Variants in CNTLN observed in about 807,000 individuals in gnomAD.
CNTLN encodes centlein, centrosomal protein.
CNTLN carries 212 observed loss-of-function variants against 180.0 expected under a neutral mutation model. The observed-to-expected ratio is 1.18, with a 90% CI of 1.05 to 1.32. The LOEUF (loss-of-function observed/expected upper bound fraction) is 1.32. Among genes scored for constraint, CNTLN ranks in the 40% most tolerant of loss-of-function variants. The probability of loss-of-function intolerance (pLI) is 0.00; values close to 1 mark genes in which losing one functional copy is unlikely to be tolerated. For synonymous variants in CNTLN, 722 were observed against 563.1 expected (o/e 1.28, Z -3.99); for missense variants, 2,095 against 1,610.9 (o/e 1.30, Z -5.14).
At chr9:17,182,451 A>T (rs1198828463) in intron 2 of CNTLN, among the ~76,000 whole-genome samples, 1 of 152,060 alleles carries the variant, frequency 6.6e-6, no homozygotes, top group African/African-American at 2.4e-5. Flanking sequence ...GAGTTTTCTC[A>T]TGTTTATTTT....
chr9:17,299,801 G>A (rs1176019863), intron 7 of CNTLN: 1 of 984,408 alleles, frequency 1.0e-6, no homozygotes, highest in South Asian at 4.7e-5. Context: ...TTCCCCCATT[G>A]ATGACTTTCT....
intron 25 of CNTLN, among the ~76,000 whole-genome samples, chr9:17,497,859 G>A (rs552512398): frequency 6.6e-6 from 1 of 152,242 alleles, no homozygotes; most frequent in South Asian, 2.1e-4. Context: ...GGATGCTAAC[G>A]ACGCAGATTT....
At chr9:17,439,092 A>G (rs984602748) in intron 18 of CNTLN, among the ~76,000 whole-genome samples, 2 of 152,194 alleles carry the variant, frequency 1.3e-5, no homozygotes, top group African/African-American at 4.8e-5. Context: ...AAATATGCAT[A>G]CATTTTAGAG....
chr9:17,500,496 A>G (rs1172954883), intron 25 of CNTLN, among the ~76,000 whole-genome samples: 3 of 152,232 alleles, frequency 2.0e-5, no homozygotes, highest in Admixed American at 2.0e-4. Context: ...TACAACCAGC[A>G]TGTTCCCCAA....
intron 1 of CNTLN, 71 bp from the exon 2 acceptor site, chr9:17,143,217 A>G (rs1334735573): frequency 9.4e-7 from 1 of 1,060,936 alleles, no homozygotes; most frequent in Non-Finnish European, 1.4e-6. Flanking sequence ...TTCATTTTAA[A>G]ATTTAATGTA....
chr9:17,210,171 G>C (rs572697398), intron 2 of CNTLN, among the ~76,000 whole-genome samples: 6 of 152,098 alleles, frequency 3.9e-5, no homozygotes, highest in Non-Finnish European at 7.4e-5. Flanking sequence ...CCATTAACTC[G>C]TCATTTACAT....
intron 15 of CNTLN, among the ~76,000 whole-genome samples, chr9:17,405,055 G>A (rs1827271557): frequency 1.3e-5 from 2 of 151,584 alleles, no homozygotes; most frequent in African/African-American, 4.9e-5. Flanking sequence ...ATTATTTTGA[G>A]GGTCACTACC....
chr9:17,429,234 C>T (rs1829268593), intron 18 of CNTLN, among the ~76,000 whole-genome samples: 1 of 152,000 alleles, frequency 6.6e-6, no homozygotes, highest in African/African-American at 2.4e-5. Flanking sequence ...TGTCTTATCT[C>T]AACAATGCTA....
intron 6 of CNTLN, among the ~76,000 whole-genome samples, chr9:17,288,073 T>G (rs1001892475): frequency 3.0e-5 from 4 of 135,460 alleles, no homozygotes; most frequent in Non-Finnish European, 6.1e-5. Context: ...TTGGTCTTGC[T>G]TTTCTAGTTC....
At chr9:17,475,115 G>A (rs950874430) in intron 23 of CNTLN, among the ~76,000 whole-genome samples, 1 of 151,638 alleles carries the variant, frequency 6.6e-6, no homozygotes, top group South Asian at 2.1e-4. Context: ...CAAGGTCTTT[G>A]TCCTCCTCTT....
intron 2 of CNTLN, among the ~76,000 whole-genome samples, chr9:17,200,106 A>G (rs1822419957): frequency 6.6e-6 from 1 of 152,228 alleles, no homozygotes; most frequent in Admixed American, 6.5e-5. Context: ...TCCTTTTCCC[A>G]TTGCTTGTTT....
At chr9:17,449,532 C>T (rs1207189968) in intron 18 of CNTLN, among the ~76,000 whole-genome samples, 4 of 151,828 alleles carry the variant, frequency 2.6e-5, no homozygotes, top group Non-Finnish European at 5.9e-5. Context: ...CTTTTCTTCT[C>T]GTAACTTAAA....
At chr9:17,519,665 G>A in the CNTLN span, among the ~76,000 whole-genome samples, 3 of 152,098 alleles carry the variant, frequency 2.0e-5, no homozygotes, top group South Asian at 4.1e-4. Flanking sequence ...CTCCATCACC[G>A]ATGAAAAATA....
At chr9:17,141,660 A>G (rs1344250154) in intron 1 of CNTLN, among the ~76,000 whole-genome samples, 1 of 152,222 alleles carries the variant, frequency 6.6e-6, no homozygotes, top group Non-Finnish European at 1.5e-5. Context: ...ATAGCTGGGC[A>G]AGAGACGGAA....
intron 15 of CNTLN, among the ~76,000 whole-genome samples, chr9:17,402,650 G>C (rs925813926): frequency 6.6e-6 from 1 of 151,866 alleles, no homozygotes; most frequent in African/African-American, 2.4e-5. Context: ...AGAATATAAA[G>C]AATGGCCTCT....
intron 5 of CNTLN, among the ~76,000 whole-genome samples, chr9:17,270,891 A>G (rs1180710849): frequency 6.6e-6 from 1 of 151,540 alleles, no homozygotes; most frequent in Non-Finnish European, 1.5e-5. Context: ...GAAACAATGA[A>G]AAGTTTTACC....
intron 2 of CNTLN, among the ~76,000 whole-genome samples, chr9:17,162,468 T>G (rs1819751082): frequency 6.6e-6 from 1 of 152,210 alleles, no homozygotes; most frequent in Admixed American, 6.5e-5. Flanking sequence ...AGTCCTGCAT[T>G]TTGAATAGCA....
chr9:17,220,296 A>G (rs911874618), intron 2 of CNTLN, among the ~76,000 whole-genome samples: 6 of 151,938 alleles, frequency 3.9e-5, no homozygotes, highest in African/African-American at 1.2e-4. Context: ...GTGTCACATA[A>G]TCTAGTATTA....
chr9:17,178,561 G>T (rs893117833), intron 2 of CNTLN, among the ~76,000 whole-genome samples: 2 of 152,116 alleles, frequency 1.3e-5, no homozygotes, highest in African/African-American at 4.8e-5. Flanking sequence ...TGCAGGTCTG[G>T]AGCCCTGCCC....
Sources: allele counts gnomAD v4.1 joint callset (sites outside exome capture counted in the v4.1 genomes callset), GRCh38; gene constraint gnomAD v4.1.1; transcripts MANE v1.5; gene names NCBI Gene and HGNC (gene_info 2026-07-23, HGNC 2026-07-21).